Variants in TBCCD1 observed in about 807,000 individuals in gnomAD.
TBCCD1 encodes TBCC domain-containing protein 1.
In TBCCD1, 26 loss-of-function variants were observed where a neutral mutation model predicts 53.4. That is an observed-to-expected ratio of 0.49 (90% CI 0.36 to 0.68). The LOEUF (loss-of-function observed/expected upper bound fraction) is 0.68, where lower values mean the gene tolerates loss of function less well. TBCCD1 is among the 30% of genes least tolerant of loss of function. TBCCD1 has a pLI of 0.00. For missense variants in TBCCD1, 558 were observed against 669.5 expected, an observed-to-expected ratio of 0.83 and a Z score of 1.84; for synonymous variants, 245 against 241.7, an observed-to-expected ratio of 1.01 and a Z score of -0.13.
At chr3:186,563,949 T>C in intron 2 of TBCCD1, 45 bp downstream of exon 2, 8 of 1,497,406 alleles carry the variant, frequency 5.3e-6, no homozygotes, top group South Asian at 1.4e-5. Context: ...AAAAGAATGG[T>C]TTCTTTCCAA....
intron 1 of TBCCD1, among the ~76,000 whole-genome samples, chr3:186,566,805 G>C (rs991582110): frequency 6.7e-6 from 1 of 149,712 alleles, no homozygotes; most frequent in Admixed American, 6.7e-5. Context: ...GAGTCGTTTT[G>C]AGTAAAACCA....
chr3:186,570,325 C>T (rs943768961), upstream of TBCCD1: 3 of 537,320 alleles, frequency 5.6e-6, no homozygotes, highest in African/African-American at 3.8e-5. Context: ...GAATGAAATT[C>T]CGGGCTTGTA....
chr3:186,562,773 G>A (rs1714724445), intron 2 of TBCCD1, among the ~76,000 whole-genome samples: 1 of 152,094 alleles, frequency 6.6e-6, no homozygotes, highest in Non-Finnish European at 1.5e-5. Flanking sequence ...TGTCCTTGAC[G>A]GTCATGATGG....
At chr3:186,551,556 G>T (rs1313958481) in intron 6 of TBCCD1, among the ~76,000 whole-genome samples, 1 of 152,206 alleles carries the variant, frequency 6.6e-6, no homozygotes, top group African/African-American at 2.4e-5. Flanking sequence ...AATGTATAGA[G>T]AAGAGACAAG....
rs191284099 is a variant in TBCCD1, at chr3:186,553,083, A to T, written c.1544+1171T>A. ...CACACTGGCAATTTGTTTCAAACTG[A>T]TTTCTGTCTTCCTATATTCCCAAAG... On this transcript the variant is annotated intron_variant, in intron 6 of 7. Transcript: ENST00000338733. Among the ~76,000 whole-genome samples, 4 of 152,306 alleles carry T rather than the reference A, an allele frequency of 2.6e-5. No homozygotes were observed. In the East Asian group the frequency reaches 7.7e-4, roughly 29 times the overall value.
rs1212608855 is a variant in TBCCD1, at chr3:186,562,552, G to A, written c.336+1442C>T. 3.3e-5 allele frequency among the ~76,000 whole-genome samples: 5 copies of A among 152,044 alleles called. No homozygotes were observed. The East Asian group carries it at 9.6e-4, about 29-fold the overall frequency. Reference sequence around the variant, plus strand: ...AGGAGGGGGAAATGGGGAGGTTGATGGTCAAAGGCTACAAAGTTTCCGTTA... The same window carrying A: ...AGGAGGGGGAAATGGGGAGGTTGATAGTCAAAGGCTACAAAGTTTCCGTTA... On this transcript the variant is annotated intron_variant, in intron 2 of 7. Transcript: ENST00000338733.
At chr3:186,563,150 A>G (rs1714733648) in intron 2 of TBCCD1, among the ~76,000 whole-genome samples, 1 of 152,254 alleles carries the variant, frequency 6.6e-6, no homozygotes, top group Non-Finnish European at 1.5e-5. Flanking sequence ...GGATGACAGC[A>G]GCCCAGAGAT....
chr3:186,551,213 T>C lies in TBCCD1; in HGVS notation c.1611A>G (p.Gly537=). ...CAAGGCTGTCCAGCTGTTGGCGATG[T>C]CCTGTATTAATCAACCATTCATAAA... is the stretch of plus-strand genomic sequence containing the variant. ...NKFYEWLINT[G]HRQQLDSLVP... is the part of the protein sequence containing the mutation. Residue 537 remains glycine (G), a synonymous_variant, in exon 7 of 8, where the codon GGA becomes GGG. Coordinates refer to ENST00000338733, the MANE Select transcript of TBCCD1 (RefSeq NM_018138.5). The C allele has an allele frequency of 6.2e-7, 1 of 1,613,286 alleles. No homozygotes were observed. The highest frequency in any genetic ancestry group is 8.5e-7 in the Non-Finnish European group (1 of 1,180,010).
chr3:186,555,916 T>C (rs1204126336), intron 4 of TBCCD1, among the ~76,000 whole-genome samples: 1 of 152,052 alleles, frequency 6.6e-6, no homozygotes, highest in Non-Finnish European at 1.5e-5. Context: ...TCCCACACAG[T>C]GTGTTGCACA....
rs1048564060 is a variant in TBCCD1, at chr3:186,554,582, G to T, written c.1216C>A (p.Leu406Ile). The T allele has an allele frequency of 5.6e-6, 9 of 1,614,228 alleles. No individual in the cohort carries two copies. The highest frequency in any genetic ancestry group is 7.6e-6 in the Non-Finnish European group (9 of 1,180,042). ...IFHVLTPTRP[L>I]ILSGNQTVTF... The stretch of plus-strand genomic sequence containing the variant: ...ACTGTCTGGTTCCCAGAGAGAATAA[G>T]TGGGCGTGTAGGCGTAAGAACGTGA... Residue 406 changes from leucine (L) to isoleucine (I), a missense_variant, in exon 6 of 8, where the codon CTT (leucine) becomes ATT (isoleucine). Physicochemically the swap from Leu to Ile is conservative, Grantham distance 5. Coordinates refer to ENST00000338733, the MANE Select transcript of TBCCD1 (RefSeq NM_018138.5).
intron 2 of TBCCD1, among the ~76,000 whole-genome samples, chr3:186,559,472 G>T (rs1714635606): frequency 6.6e-6 from 1 of 152,180 alleles, no homozygotes; most frequent in African/African-American, 2.4e-5. Flanking sequence ...ATTCAAGGAA[G>T]GGTGTGGTTG....
At chr3:186,547,951 C>T (rs1362101178) in intron 7 of TBCCD1, among the ~76,000 whole-genome samples, 1 of 152,188 alleles carries the variant, frequency 6.6e-6, no homozygotes, top group East Asian at 1.9e-4. Context: ...AAAAAATACA[C>T]TTTTACAGCT....
intron 2 of TBCCD1, among the ~76,000 whole-genome samples, chr3:186,561,528 G>A (rs1560228722): frequency 6.6e-6 from 1 of 152,202 alleles, no homozygotes; most frequent in Non-Finnish European, 1.5e-5. Flanking sequence ...GGTGGCTCAC[G>A]CCTGTAATCC....
Position 186,548,518 on chromosome 3 carries a change from C to T in TBCCD1, c.*22-1563G>A, listed in dbSNP as rs560722040. On this transcript the variant is annotated intron_variant, in intron 7 of 7. Coordinates refer to ENST00000338733, the MANE Select transcript of TBCCD1 (RefSeq NM_018138.5). ...TTACTTTAAAAAGGTGAATTTACTT[C>T]CCATAATGTTATGTGGTAATATTTT... is the stretch of plus-strand genomic sequence containing the variant. Among the ~76,000 whole-genome samples, 20 of 152,282 alleles carry T rather than the reference C, an allele frequency of 1.3e-4. 1 individual carries two copies. The South Asian group carries it at 4.1e-3, about 32-fold the overall frequency.
chr3:186,563,728 T>G (rs1578974949), intron 2 of TBCCD1, among the ~76,000 whole-genome samples: 4 of 152,134 alleles, frequency 2.6e-5, no homozygotes, highest in East Asian at 1.9e-4. Context: ...CAATGGCCAT[T>G]AGCCTAAAAC....
intron 1 of TBCCD1, among the ~76,000 whole-genome samples, chr3:186,566,885 T>G (rs914741730): frequency 7.9e-5 from 12 of 152,130 alleles, no homozygotes; most frequent in African/African-American, 2.7e-4. Flanking sequence ...TGTGAGGTAC[T>G]GAGCCCCTGT....
rs910851868 is a variant in TBCCD1, at chr3:186,556,320, A to G, written c.859+89T>C. On this transcript the variant is annotated intron_variant, in intron 4 of 7. Transcript: ENST00000338733. ...GAGCAGTATTTTTTAGGTCTTCTAGAGAAGACACGAGATCACTAATATATT... is the reference window on the plus strand; with the variant it reads ...GAGCAGTATTTTTTAGGTCTTCTAGGGAAGACACGAGATCACTAATATATT... 1.9e-5 allele frequency: 28 copies of G among 1,462,100 alleles called. No homozygotes were observed. In the African/African-American group the frequency reaches 3.8e-4, roughly 20 times the overall value. The allele number at this position is 1,462,100 out of a possible 1,614,324, so 90.6% of individuals were successfully genotyped here.
At position 186,554,269 on chromosome 3, in the gene TBCCD1, T is replaced by A; in HGVS notation, c.1529A>T (p.Glu510Val). ...AAATACTCACTTTGTCAAATGAGCC[T>A]CCTTCACAGTTTTCTGCCAGATCTG... ...KIQIWQKTVK[E>V]AHLTKDQRKQ... The change falls in exon 6 of 8, where the codon GAG (glutamate) becomes GTG (valine). Residue 510 changes from glutamate to valine, a missense_variant. Transcript: ENST00000338733. 5 of 1,612,762 alleles carry A rather than the reference T, an allele frequency of 3.1e-6. No homozygotes were observed. The highest frequency in any genetic ancestry group is 2.5e-6 in the Non-Finnish European group (3 of 1,179,714).
upstream of TBCCD1, among the ~76,000 whole-genome samples, chr3:186,569,236 T>A (rs1388765801): frequency 6.6e-6 from 1 of 152,138 alleles, no homozygotes; most frequent in Non-Finnish European, 1.5e-5. Flanking sequence ...GGAGTTGGGA[T>A]TTTATTCTAA....
Sources: allele counts gnomAD v4.1 joint callset (sites outside exome capture counted in the v4.1 genomes callset), GRCh38; gene constraint gnomAD v4.1.1; transcripts MANE v1.5; gene names NCBI Gene and HGNC (gene_info 2026-07-23, HGNC 2026-07-21).